AFF2: variants seen among roughly 807,000 people sequenced by gnomAD.
AFF2 encodes AF4/FMR2 family member 2.
Under a neutral mutation model 76.9 loss-of-function variants are expected in AFF2, and 14 were observed. The ratio of observed to expected loss-of-function variants is 0.18; its 90% CI spans 0.12 to 0.28. AFF2 has a LOEUF of 0.28. Ranked by LOEUF, AFF2 falls within the 10% of genes least tolerant of loss-of-function variation. The pLI is 1.00. For missense variants in AFF2, 868 were observed against 1,001.1 expected, an observed-to-expected ratio of 0.87 and a Z score of 1.79; for synonymous variants, 398 against 366.7, an observed-to-expected ratio of 1.09 and a Z score of -0.98.
At chrX:148,962,053 A>G (rs961083348) in intron 12 of AFF2, among the ~76,000 whole-genome samples, 1 of 112,674 alleles carries the variant, frequency 8.9e-6, no homozygotes, top group Middle Eastern at 4.2e-3. Flanking sequence ...TCTAGTGTGA[A>G]TATGACAAAA....
At chrX:148,854,885 CT>C (rs1337462420) in intron 7 of AFF2, among the ~76,000 whole-genome samples, 2 of 110,931 alleles carry the variant, frequency 1.8e-5, no homozygotes, top group Admixed American at 1.9e-4. Context: ...GTTATTGGGC[CT>C]TTTTCTTTTC....
At chrX:148,724,092 A>C (rs1373631131) in intron 3 of AFF2, among the ~76,000 whole-genome samples, 1 of 109,730 alleles carries the variant, frequency 9.1e-6, no homozygotes, top group Non-Finnish European at 1.9e-5. Context: ...CCTAGCAAAC[A>C]AAAGACTGTC....
At chrX:148,971,596 G>A (rs985386596) in intron 15 of AFF2, among the ~76,000 whole-genome samples, 7 of 107,526 alleles carry the variant, frequency 6.5e-5, no homozygotes, top group Non-Finnish European at 9.6e-5. Flanking sequence ...TCACCTTCCC[G>A]CCTCTCATTT....
At chrX:148,606,721 C>G (rs1557248839) in intron 1 of AFF2, among the ~76,000 whole-genome samples, 1 of 111,648 alleles carries the variant, frequency 9.0e-6, no homozygotes, top group Non-Finnish European at 1.9e-5. Flanking sequence ...GTAATTGAAT[C>G]TTTGACGATT....
At chrX:148,709,666 TACAC>T (rs1399631678) in intron 3 of AFF2, among the ~76,000 whole-genome samples, 2 of 112,145 alleles carry the variant, frequency 1.8e-5, no homozygotes, top group Non-Finnish European at 1.9e-5. Flanking sequence ...GATACACACA[TACAC>T]ACACTCGCAG....
At chrX:148,928,601 T>G (rs1256287566) in intron 9 of AFF2, among the ~76,000 whole-genome samples, 4 of 112,344 alleles carry the variant, frequency 3.6e-5, no homozygotes, top group African/African-American at 1.3e-4. Context: ...GGATGAATAC[T>G]TTGAAGTTGA....
chrX:148,562,196 C>A (rs1215584020), intron 1 of AFF2, among the ~76,000 whole-genome samples: 1 of 112,517 alleles, frequency 8.9e-6, no homozygotes, highest in Non-Finnish European at 1.9e-5. Flanking sequence ...TGACTGATTT[C>A]TTTTTAAACC....
intron 1 of AFF2, among the ~76,000 whole-genome samples, chrX:148,530,928 G>T (rs975403322): frequency 9.0e-6 from 1 of 111,660 alleles, no homozygotes; most frequent in Non-Finnish European, 1.9e-5. Flanking sequence ...TCAGCTGAGT[G>T]CTGTGGGACC....
rs2072542158 is a variant in AFF2 at position 148,992,309 on chromosome X, G to T, written c.*977G>T. The T allele has an allele frequency of 8.9e-6, 1 of 112,075 alleles. No homozygotes were observed. Among genetic ancestry groups the T allele is most frequent in the African/African-American group, 3.2e-5 (1 of 30,835 alleles). The allele number at this position is 112,075 out of a possible 1,213,427, so 9.2% of individuals were successfully genotyped here. A position where few individuals can be genotyped will look rare whatever the true frequency, so the allele number is the denominator to read the frequency against. ...CCATAACTGGCAGGATTTTTAAATT[G>T]TATTTTGCTCAAATCTATGGGAACA... On this transcript the variant is annotated 3_prime_UTR_variant, in exon 21 of 21. Coordinates refer to ENST00000370460, the MANE Select transcript of AFF2 (RefSeq NM_002025.4).
chrX:148,570,073 G>A (rs910826069), intron 1 of AFF2, among the ~76,000 whole-genome samples: 2 of 111,462 alleles, frequency 1.8e-5, no homozygotes, highest in Non-Finnish European at 3.8e-5. Flanking sequence ...AGATGCAGAC[G>A]ATTTATAATT....
At chrX:148,560,534 G>A (rs2053100265) in intron 1 of AFF2, among the ~76,000 whole-genome samples, 2 of 111,945 alleles carry the variant, frequency 1.8e-5, no homozygotes, top group Non-Finnish European at 3.8e-5. Context: ...TTGACAAATG[G>A]GATCTAATTA....
intron 3 of AFF2, among the ~76,000 whole-genome samples, chrX:148,678,861 C>T (rs782453721): frequency 3.6e-5 from 4 of 111,594 alleles, no homozygotes; most frequent in Non-Finnish European, 5.7e-5. Flanking sequence ...ATTGAATCTT[C>T]CTGAAATTAG....
intron 3 of AFF2, among the ~76,000 whole-genome samples, chrX:148,705,142 T>G (rs1287489631): frequency 8.9e-6 from 1 of 112,342 alleles, no homozygotes; most frequent in Non-Finnish European, 1.9e-5. Context: ...ATTCTGATAC[T>G]TCTACCTTTT....
chrX:148,895,432 C>A (rs1304982634), intron 8 of AFF2, among the ~76,000 whole-genome samples: 2 of 111,308 alleles, frequency 1.8e-5, no homozygotes, highest in African/African-American at 6.5e-5. Context: ...TGACACCCAC[C>A]CACCACCTTA....
In AFF2 at chrX:148,597,665, A is replaced by C. The variant is rs141428091; in HGVS notation, c.48-54334A>C. ...GTTGATACAAACAGAACTACGTTTCATGCAGTAGCTAATTAAGCAATAAGA... is the reference window on the plus strand; with the variant it reads ...GTTGATACAAACAGAACTACGTTTCCTGCAGTAGCTAATTAAGCAATAAGA... On this transcript the variant is annotated intron_variant, in intron 1 of 20. Transcript: ENST00000370460. Among the ~76,000 whole-genome samples the C allele has an allele frequency of 9.9e-3, 1,104 of 112,040 alleles. 8 individuals carry two copies. Among genetic ancestry groups the C allele is most frequent in the Non-Finnish European group, 0.016 (843 of 53,176 alleles).
intron 1 of AFF2, among the ~76,000 whole-genome samples, chrX:148,524,121 CTCTGTGTGTG>C (rs1255120506): frequency 7.5e-5 from 6 of 80,406 alleles, no homozygotes; most frequent in African/African-American, 1.4e-4. Flanking sequence ...CTCTCTCTCT[CTCTGTGTGTG>C]TGTGTGTGTG....
At chrX:148,582,271 G>A (rs1262319643) in intron 1 of AFF2, among the ~76,000 whole-genome samples, 3 of 111,066 alleles carry the variant, frequency 2.7e-5, no homozygotes, top group African/African-American at 9.8e-5. Context: ...AGCTTGTCAC[G>A]ATAATGCCAG....
At chrX:148,803,727 C>G (rs782152171) in intron 3 of AFF2, among the ~76,000 whole-genome samples, 1 of 111,548 alleles carries the variant, frequency 9.0e-6, no homozygotes, top group South Asian at 3.8e-4. Flanking sequence ...ATTAGGTACT[C>G]TCAGCTGATG....
At chrX:148,970,205 A>G (rs1378369139) in intron 15 of AFF2, among the ~76,000 whole-genome samples, 2 of 112,181 alleles carry the variant, frequency 1.8e-5, no homozygotes, top group Non-Finnish European at 3.8e-5. Context: ...TGAAACCGAT[A>G]TTTCTCCACA....
Sources: gnomAD v4.1 joint callset for allele counts (sites outside exome capture counted in the v4.1 genomes callset) on GRCh38, gnomAD v4.1.1 for gene constraint, MANE v1.5 for transcripts, NCBI Gene and HGNC (gene_info 2026-07-23, HGNC 2026-07-21) for gene names.